Variants in CLCN6 observed in about 807,000 individuals in gnomAD.
CLCN6 encodes the protein Cl-/H+ antiporter 6.
A neutral mutation model predicts 109.8 loss-of-function variants in CLCN6; 70 were observed. The ratio of observed to expected loss-of-function variants is 0.64; its 90% CI spans 0.53 to 0.78. The LOEUF (loss-of-function observed/expected upper bound fraction) is 0.78. Among genes scored for constraint, CLCN6 ranks in the 30% least tolerant of loss-of-function variants. The pLI is 0.00. For synonymous variants in CLCN6, 444 were observed against 447.8 expected (o/e 0.99, Z 0.11); for missense variants, 984 against 1,142.3 (o/e 0.86, Z 2.00).
intron 2 of CLCN6, among the ~76,000 whole-genome samples, chr1:11,812,428 A>G (rs1360905387): frequency 2.0e-5 from 3 of 152,076 alleles, no homozygotes; most frequent in Admixed American, 1.3e-4. Flanking sequence ...TTGGAGTTTT[A>G]TGGAAGCTTT....
Position 11,819,571 on chromosome 1 carries a change from TC to T in CLCN6, c.346+19del, listed in dbSNP as rs1644716184. On this transcript the variant is annotated intron_variant, in intron 5 of 22. Transcript: ENST00000346436. The stretch of plus-strand genomic sequence containing the variant: ...TACAGACATGTATCCTTTTCACGGT[TC>T]CTGGTGTTCGTGGACTTCAGTGGTC... The T allele has an allele frequency of 3.1e-6, 5 of 1,612,290 alleles. No homozygotes were observed. Among genetic ancestry groups the T allele is most frequent in the Non-Finnish European group, 4.2e-6 (5 of 1,178,370 alleles).
rs1324216447 is a variant in CLCN6, at chr1:11,829,266, G to A, written c.1192G>A (p.Glu398Lys). ...GTTTGTGGCCTCGATGGTGTTAGGA[G>A]AATGCCGACAGATGTCCTCTTCGAG... ...VVFVASMVLGECRQMSSSSQI... is the reference protein window; with the variant it reads ...VVFVASMVLGKCRQMSSSSQI... The change falls in exon 13 of 23, where the codon GAA becomes AAA. Residue 398 changes from glutamate (E) to lysine (K), a missense_variant. Glu to Lys is a moderately conservative substitution (Grantham distance 56). Transcript: ENST00000346436. 6.2e-7 allele frequency: 1 copy of A among 1,614,216 alleles called. No individual in the cohort carries two copies. The highest frequency in any genetic ancestry group is 8.5e-7 in the Non-Finnish European group (1 of 1,180,034).
rs1229733250 is a variant in CLCN6, at chr1:11,834,724, C to T, written c.1793+134C>T. 1 of 789,926 alleles carries T rather than the reference C, an allele frequency of 1.3e-6. No homozygotes were observed. The highest frequency in any genetic ancestry group is 2.1e-6 in the Non-Finnish European group (1 of 485,440). 48.9% of individuals were successfully genotyped at this position (789,926 alleles called of 1,614,324 possible). On this transcript the variant is annotated intron_variant, in intron 17 of 22. Transcript: ENST00000346436. The surrounding 1 kb of genome is among the most constrained non-coding windows in gnomAD (Gnocchi z 4.5). ...AAGAAGCAACACACCCATTCCTGAGCATGTGTGAGAATGTGGAGCAGCCCA... is the reference window on the plus strand; with the variant it reads ...AAGAAGCAACACACCCATTCCTGAGTATGTGTGAGAATGTGGAGCAGCCCA...
intron 2 of CLCN6, among the ~76,000 whole-genome samples, chr1:11,809,887 A>G (rs1377783440): frequency 6.6e-6 from 1 of 152,254 alleles, no homozygotes; most frequent in East Asian, 1.9e-4. Flanking sequence ...CTTAAACAGA[A>G]AAGTCTGGAT....
At position 11,834,189 on chromosome 1, in the gene CLCN6, C is replaced by G. The variant is rs941108087; in HGVS notation, c.1527-47C>G. The G allele has an allele frequency of 1.9e-6, 3 of 1,599,274 alleles. No homozygotes were observed. The highest frequency in any genetic ancestry group is 2.6e-6 in the Non-Finnish European group (3 of 1,172,818). ...ATGAGCTGTAGGTCCTCCCCACAGC[C>G]TATCAGTGTGGTTCAAAGCCATGTT... On this transcript the variant is annotated intron_variant, in intron 15 of 22. Coordinates refer to ENST00000346436, the MANE Select transcript of CLCN6 (RefSeq NM_001286.5). The surrounding 1 kb of genome is among the most constrained non-coding windows in gnomAD (Gnocchi z 4.5).
chr1:11,838,145 C>T (rs1644973507), intron 20 of CLCN6, among the ~76,000 whole-genome samples, 190 bp from the exon 21 acceptor site: 1 of 152,216 alleles, frequency 6.6e-6, no homozygotes, highest in African/African-American at 2.4e-5. Context: ...GCCCAGGGTG[C>T]CACAGCTAGG....
chr1:11,837,460 C>T lies in CLCN6; in HGVS notation c.2256C>T (p.Thr752=), dbSNP rs1468938867. The change falls in exon 20 of 23, where the codon ACC becomes ACT. Residue 752 remains threonine, a synonymous_variant. Coordinates refer to ENST00000346436, the MANE Select transcript of CLCN6 (RefSeq NM_001286.5). ...TGATCCTTCGGTCGCAGCTTGTCACCCTGCTTGTCCGAGGAGTTTGTTACT... is the reference window on the plus strand; with the variant it reads ...TGATCCTTCGGTCGCAGCTTGTCACTCTGCTTGTCCGAGGAGTTTGTTACT... ...HGLILRSQLV[T]LLVRGVCYSE... The T allele has an allele frequency of 6.2e-7, 1 of 1,614,030 alleles. No individual in the cohort carries two copies. The highest frequency in any genetic ancestry group is 8.5e-7 in the Non-Finnish European group (1 of 1,180,004).
intron 5 of CLCN6, 138 bp downstream of exon 5, chr1:11,819,692 T>G: frequency 1.4e-6 from 1 of 720,654 alleles, no homozygotes. Context: ...TTTCTAATGA[T>G]CACTGAAGGA....
chr1:11,828,763 A>G (rs1644844999), intron 12 of CLCN6, 139 bp downstream of exon 12: 4 of 949,562 alleles, frequency 4.2e-6, no homozygotes, highest in Admixed American at 5.4e-5. Context: ...AAACACGGCC[A>G]TGCATCTTCC....
At chr1:11,815,318 G>A in intron 2 of CLCN6, among the ~76,000 whole-genome samples, 1 of 152,320 alleles carries the variant, frequency 6.6e-6, no homozygotes. Context: ...TGAACCTAAA[G>A]CAACACCACT....
At chr1:11,820,729 T>C in intron 5 of CLCN6, 1 of 203,448 alleles carries the variant, frequency 4.9e-6, no homozygotes, top group Non-Finnish European at 1.0e-5. Flanking sequence ...ATCACGCCAC[T>C]GCACTCCAGC....
At chr1:11,826,764 C>T (rs755037660) in intron 9 of CLCN6, among the ~76,000 whole-genome samples, 1 of 152,170 alleles carries the variant, frequency 6.6e-6, no homozygotes, top group Non-Finnish European at 1.5e-5. Context: ...CCGGTGGGAA[C>T]ATGGTGCAGC....
chr1:11,829,253 G>A lies in CLCN6; in HGVS notation c.1179G>A (p.Ser393=), dbSNP rs140945336. 3.3e-5 allele frequency: 53 copies of A among 1,614,176 alleles called. No individual in the cohort carries two copies. Among genetic ancestry groups the A allele is most frequent in the African/African-American group, 2.5e-4 (19 of 75,050 alleles). Residue 393 remains serine (S), a synonymous_variant, in exon 13 of 23, where the codon TCG becomes TCA. Transcript: ENST00000346436. ...CCACCGTGGTGGTGTTTGTGGCCTC[G>A]ATGGTGTTAGGAGAATGCCGACAGA... ...LVTTVVVFVA[S]MVLGECRQMS...
Position 11,835,947 on chromosome 1 carries a change from G to T in CLCN6, c.1794-20G>T, listed in dbSNP as rs910422317. The T allele has an allele frequency of 1.0e-5, 16 of 1,607,296 alleles. No individual in the cohort carries two copies. The East Asian group carries it at 1.1e-4, about 11-fold the overall frequency. ...TGCGGGCACTGTCATGAGGCTGGAT[G>T]ACTTGCCCTCCTCCCCCAGGCTGAG... On this transcript the variant is annotated intron_variant, in intron 17 of 22. Coordinates refer to ENST00000346436, the MANE Select transcript of CLCN6 (RefSeq NM_001286.5).
rs757033537 is a variant in CLCN6, at chr1:11,834,618, A to G, written c.1793+28A>G. 1.3e-6 allele frequency: 2 copies of G among 1,574,934 alleles called. No individual in the cohort carries two copies. The highest frequency in any genetic ancestry group is 4.5e-5 in the East Asian group (2 of 44,668). On this transcript the variant is annotated intron_variant, in intron 17 of 22. Coordinates refer to ENST00000346436, the MANE Select transcript of CLCN6 (RefSeq NM_001286.5). This position sits in a 1 kb window ranked among gnomAD's most constrained non-coding sequence, Gnocchi z 4.5. ...AAGGCCATGATTTTGCTCATGTCCT[A>G]GTTTCAGAATGTATAAGCTCTGAGG...
chr1:11,841,493 T>C lies in CLCN6; in HGVS notation c.*1270T>C, dbSNP rs1645023329. The C allele has an allele frequency of 2.6e-5, 4 of 152,394 alleles. No individual in the cohort carries two copies. Among genetic ancestry groups the C allele is most frequent in the South Asian group, 2.1e-4 (1 of 4,830 alleles). The allele number at this position is 152,394 out of a possible 1,614,324, so 9.4% of individuals were successfully genotyped here. The stretch of plus-strand genomic sequence containing the variant: ...GGCACCCAAAGTGAGCATCTGGGCA[T>C]TGGGCATTCATGCTTATCTTCCCCC... On this transcript the variant is annotated 3_prime_UTR_variant, in exon 23 of 23. Coordinates refer to ENST00000346436, the MANE Select transcript of CLCN6 (RefSeq NM_001286.5).
intron 21 of CLCN6, 21 bp from the exon 22 acceptor site, chr1:11,838,514 T>C: frequency 6.2e-7 from 1 of 1,606,724 alleles, no homozygotes; most frequent in East Asian, 2.2e-5. Flanking sequence ...AGGCAGTCAG[T>C]GACACGTGGT....
In CLCN6 at chr1:11,834,610, C is replaced by T; in HGVS notation, c.1793+20C>T. 1 of 1,597,640 alleles carries T rather than the reference C, an allele frequency of 6.3e-7. No homozygotes were observed. The highest frequency in any genetic ancestry group is 8.6e-7 in the Non-Finnish European group (1 of 1,165,488). The stretch of plus-strand genomic sequence containing the variant: ...GGACAAGTAAGGCCATGATTTTGCT[C>T]ATGTCCTAGTTTCAGAATGTATAAG... On this transcript the variant is annotated intron_variant, in intron 17 of 22. Coordinates refer to ENST00000346436, the MANE Select transcript of CLCN6 (RefSeq NM_001286.5). The surrounding 1 kb of genome is among the most constrained non-coding windows in gnomAD (Gnocchi z 4.5).
At chr1:11,821,363 G>A (rs1280929256) in intron 5 of CLCN6, among the ~76,000 whole-genome samples, 8 of 152,304 alleles carry the variant, frequency 5.3e-5, no homozygotes, top group African/African-American at 1.9e-4. Context: ...TTCAAGACCA[G>A]CCTGGCCAAC....
Sources: allele counts gnomAD v4.1 joint callset (sites outside exome capture counted in the v4.1 genomes callset), GRCh38; gene constraint gnomAD v4.1.1; non-coding constraint Gnocchi (gnomAD v3.1); transcripts MANE v1.5; gene names NCBI Gene and HGNC (gene_info 2026-07-23, HGNC 2026-07-21).